The following TAFA2 variants were observed in gnomAD, a reference collection of about 807,000 sequenced individuals.
The protein encoded by TAFA2 is chemokine-like protein TAFA-2.
TAFA2 carries 7 observed loss-of-function variants against 18.8 expected under a neutral mutation model. The ratio of observed to expected loss-of-function variants is 0.37; its 90% confidence interval spans 0.21 to 0.70. The LOEUF is 0.70. Among genes scored for constraint, TAFA2 ranks in the 30% least tolerant of loss-of-function variants. The probability of loss-of-function intolerance (pLI) is 0.53; values close to 1 mark genes in which losing one functional copy is unlikely to be tolerated. For missense variants in TAFA2, 122 were observed against 158.1 expected (o/e 0.77, Z 1.23); for synonymous variants, 60 against 54.2 (o/e 1.11, Z -0.47).
intron 1 of TAFA2, among the ~76,000 whole-genome samples, chr12:62,103,488 C>A (rs1356258432): frequency 1.3e-5 from 2 of 152,114 alleles, no homozygotes; most frequent in South Asian, 2.1e-4. Context: ...CACCTGTAAT[C>A]CCAGCATTAC....
chr12:62,189,994 G>GT (rs952077658), intron 1 of TAFA2, among the ~76,000 whole-genome samples: 12 of 142,684 alleles, frequency 8.4e-5, no homozygotes, highest in Admixed American at 1.4e-4. Context: ...GGTTTTTAAG[G>GT]TTTTTTTTCT....
At chr12:62,039,381 T>C (rs1312965414) in intron 1 of TAFA2, among the ~76,000 whole-genome samples, 1 of 152,156 alleles carries the variant, frequency 6.6e-6, no homozygotes, top group Non-Finnish European at 1.5e-5. Flanking sequence ...ATCATTATAA[T>C]TTATGTTGTA....
rs1477662281 is a variant in TAFA2 at position 61,708,699 on chromosome 12, T to C, written c.*1707A>G. ...AAAGCCATTTCATTCCATGAACTTA[T>C]GAGACAGTGGATTTTAGTTCAATGT... On this transcript the variant is annotated 3_prime_UTR_variant, in exon 5 of 5. Transcript: ENST00000416284. 11 of 152,140 alleles carry C rather than the reference T, an allele frequency of 7.2e-5. No individual in the cohort carries two copies. Among genetic ancestry groups the C allele is most frequent in the Admixed American group, 2.0e-4 (3 of 15,246 alleles). The allele number at this position is 152,140 out of a possible 1,614,324, so 9.4% of individuals were successfully genotyped here. A position where few individuals can be genotyped will look rare whatever the true frequency, so the allele number is the denominator to read the frequency against.
intron 1 of TAFA2, among the ~76,000 whole-genome samples, chr12:62,172,451 C>T (rs765330387): frequency 9.2e-5 from 14 of 152,184 alleles, no homozygotes; most frequent in South Asian, 2.1e-4. Context: ...GGAAGTCTCT[C>T]CTGATGTTAC....
intron 1 of TAFA2, among the ~76,000 whole-genome samples, chr12:61,947,439 C>T (rs1269978612): frequency 4.6e-5 from 7 of 150,984 alleles, no homozygotes; most frequent in African/African-American, 1.7e-4. Context: ...CACATGTACC[C>T]TAAAACTTAA....
At chr12:62,081,776 C>A (rs186384788) in intron 1 of TAFA2, among the ~76,000 whole-genome samples, 2 of 152,126 alleles carry the variant, frequency 1.3e-5, no homozygotes, top group Non-Finnish European at 2.9e-5. Flanking sequence ...TGAGCCACCG[C>A]GCCCAACCTC....
upstream of TAFA2, among the ~76,000 whole-genome samples, chr12:62,194,365 C>T (rs1424405647): frequency 2.6e-5 from 4 of 151,792 alleles, no homozygotes; most frequent in African/African-American, 7.3e-5. Flanking sequence ...AATCTTTCTA[C>T]CTTCTAATTC....
intron 1 of TAFA2, among the ~76,000 whole-genome samples, chr12:62,229,527 G>C (rs2062802949): frequency 1.3e-5 from 2 of 151,966 alleles, no homozygotes; most frequent in African/African-American, 4.8e-5. Context: ...TTATTGATTT[G>C]CATATGTTGA....
intron 4 of TAFA2, among the ~76,000 whole-genome samples, chr12:61,720,527 A>G (rs544901098): frequency 3.3e-5 from 5 of 152,240 alleles, no homozygotes; most frequent in Non-Finnish European, 7.4e-5. Flanking sequence ...CAATAATCCA[A>G]TGCCTTTCTT....
At chr12:61,805,348 C>T (rs962790346) in intron 2 of TAFA2, among the ~76,000 whole-genome samples, 1 of 152,034 alleles carries the variant, frequency 6.6e-6, no homozygotes, top group Non-Finnish European at 1.5e-5. Context: ...AGATTCTGTA[C>T]ATTACCTCAT....
intron 1 of TAFA2, chr12:62,198,263 A>G (rs2062657010): frequency 6.6e-6 from 1 of 151,992 alleles, no homozygotes. Context: ...CTAAAGTCAG[A>G]GCCAGTCATT....
intron 2 of TAFA2, among the ~76,000 whole-genome samples, chr12:61,775,093 T>A (rs1870199963): frequency 6.6e-6 from 1 of 151,760 alleles, no homozygotes; most frequent in Non-Finnish European, 1.5e-5. Context: ...TGTCATCAGA[T>A]AAATGCAAAC....
chr12:61,777,049 G>A (rs1437529096), intron 2 of TAFA2, among the ~76,000 whole-genome samples: 1 of 151,876 alleles, frequency 6.6e-6, no homozygotes, highest in Non-Finnish European at 1.5e-5. Context: ...GATCCCTGGT[G>A]TTAGTTTGTT....
intron 1 of TAFA2, among the ~76,000 whole-genome samples, chr12:62,147,276 GTA>G (rs1324798010): frequency 1.4e-5 from 2 of 140,536 alleles, no homozygotes; most frequent in Non-Finnish European, 3.1e-5. Flanking sequence ...ATGTGTGTGT[GTA>G]TATATATGTA....
At chr12:61,776,050 G>T in intron 2 of TAFA2, 2 of 401,006 alleles carry the variant, frequency 5.0e-6, no homozygotes, top group South Asian at 2.3e-5. Context: ...GTAGACATAA[G>T]GGAATGGGTA....
At chr12:62,056,239 T>G (rs1052971257) in intron 1 of TAFA2, among the ~76,000 whole-genome samples, 1 of 152,150 alleles carries the variant, frequency 6.6e-6, no homozygotes, top group Non-Finnish European at 1.5e-5. Flanking sequence ...ACCCACACAA[T>G]AGCTTGCTAC....
chr12:62,231,534 C>T (rs1261077684), intron 1 of TAFA2, among the ~76,000 whole-genome samples: 1 of 152,076 alleles, frequency 6.6e-6, no homozygotes, highest in Non-Finnish European at 1.5e-5. Context: ...CAGCCACTGT[C>T]TTTTAATCAG....
intron 1 of TAFA2, among the ~76,000 whole-genome samples, chr12:61,930,199 T>C (rs1353054029): frequency 6.6e-6 from 1 of 151,882 alleles, no homozygotes; most frequent in Non-Finnish European, 1.5e-5. Context: ...AGAAGGGCAA[T>C]TGAGAAACCT....
intron 1 of TAFA2, among the ~76,000 whole-genome samples, chr12:62,172,995 G>C (rs781027773): frequency 2.6e-5 from 4 of 152,218 alleles, no homozygotes; most frequent in Middle Eastern, 3.4e-3. Context: ...CTTAGGCTTG[G>C]GTCTTTGTGA....
Sources: gnomAD v4.1 joint callset for allele counts (sites outside exome capture counted in the v4.1 genomes callset) on GRCh38, gnomAD v4.1.1 for gene constraint, MANE v1.5 for transcripts, NCBI Gene and HGNC (gene_info 2026-07-23, HGNC 2026-07-21) for gene names.